CSNK2A2IP: variants seen among roughly 807,000 people sequenced by gnomAD.
CSNK2A2IP encodes casein kinase II subunit alpha'-interacting protein.
the CSNK2A2IP span, among the ~76,000 whole-genome samples, chr3:88,344,030 G>T: frequency 4.0e-5 from 6 of 151,864 alleles, no homozygotes; most frequent in African/African-American, 1.4e-4. Flanking sequence ...CAATGTTTTT[G>T]CAGGAAAAAA....
chr3:88,366,545 T>C, the CSNK2A2IP span, among the ~76,000 whole-genome samples: 2 of 152,182 alleles, frequency 1.3e-5, no homozygotes, highest in African/African-American at 2.4e-5. Flanking sequence ...GCTATAATTC[T>C]GTGTCCCCTA....
chr3:88,420,394 T>A, the CSNK2A2IP span, among the ~76,000 whole-genome samples: 1 of 152,132 alleles, frequency 6.6e-6, no homozygotes, highest in East Asian at 1.9e-4. Flanking sequence ...ATGTTAGTAC[T>A]TTGTTGTCAT....
the CSNK2A2IP span, chr3:88,465,764 A>G: frequency 7.3e-6 from 9 of 1,231,530 alleles, no homozygotes; most frequent in Non-Finnish European, 9.1e-6. Context: ...TCTGACCTCA[A>G]CATGACATCA....
At chr3:88,379,272 C>T in the CSNK2A2IP span, among the ~76,000 whole-genome samples, 25 of 152,084 alleles carry the variant, frequency 1.6e-4, no homozygotes, top group East Asian at 4.7e-3. Context: ...CTGCCTGTTC[C>T]TCCCTCTGCT....
the CSNK2A2IP span, among the ~76,000 whole-genome samples, chr3:88,347,894 G>A: frequency 1.3e-5 from 2 of 151,886 alleles, no homozygotes; most frequent in Non-Finnish European, 2.9e-5. Flanking sequence ...TACATGTTGA[G>A]TATCTCCTGT....
the CSNK2A2IP span, among the ~76,000 whole-genome samples, chr3:88,361,886 ACT>A: frequency 6.6e-6 from 1 of 151,488 alleles, no homozygotes; most frequent in East Asian, 1.9e-4. Context: ...TTGTTCAGAG[ACT>A]CTGATGCATT....
chr3:88,397,645 G>A, the CSNK2A2IP span, among the ~76,000 whole-genome samples: 3 of 151,950 alleles, frequency 2.0e-5, no homozygotes, highest in Non-Finnish European at 2.9e-5. Flanking sequence ...AAATGAAATA[G>A]GGGTGATGTG....
chr3:88,422,920 G>GT, the CSNK2A2IP span, among the ~76,000 whole-genome samples: 12 of 152,232 alleles, frequency 7.9e-5, no homozygotes, highest in South Asian at 2.3e-3. Context: ...AGTATATTTA[G>GT]TTTTTTTGTA....
At chr3:88,397,398 C>A in the CSNK2A2IP span, among the ~76,000 whole-genome samples, 1 of 152,104 alleles carries the variant, frequency 6.6e-6, no homozygotes, top group Non-Finnish European at 1.5e-5. Context: ...TAACATTATT[C>A]ATCTTTTATT....
At chr3:88,383,140 G>A in the CSNK2A2IP span, among the ~76,000 whole-genome samples, 1 of 151,490 alleles carries the variant, frequency 6.6e-6, no homozygotes, top group Non-Finnish European at 1.5e-5. Context: ...CTCTTTTGGA[G>A]GTCCTGTAGA....
At chr3:88,439,613 G>A in the CSNK2A2IP span, among the ~76,000 whole-genome samples, 5 of 151,404 alleles carry the variant, frequency 3.3e-5, no homozygotes, top group East Asian at 3.9e-4. Context: ...ATGGTGGTGC[G>A]CACCTGTAAT....
the CSNK2A2IP span, among the ~76,000 whole-genome samples, chr3:88,454,172 T>G: frequency 6.6e-6 from 1 of 152,000 alleles, no homozygotes; most frequent in African/African-American, 2.4e-5. Context: ...TTTGGATTCC[T>G]CTAAAGAATA....
the CSNK2A2IP span, among the ~76,000 whole-genome samples, chr3:88,420,061 TG>T: frequency 4.6e-5 from 7 of 152,180 alleles, no homozygotes; most frequent in Non-Finnish European, 7.4e-5. Flanking sequence ...AGAGAAATTA[TG>T]ATTTTATTGG....
chr3:88,426,567 G>A, the CSNK2A2IP span, among the ~76,000 whole-genome samples: 1 of 152,178 alleles, frequency 6.6e-6, no homozygotes, highest in Non-Finnish European at 1.5e-5. Context: ...TGTTGTAGGA[G>A]GGACCCAGTG....
the CSNK2A2IP span, among the ~76,000 whole-genome samples, chr3:88,361,256 A>C: frequency 6.6e-6 from 1 of 152,184 alleles, no homozygotes; most frequent in Non-Finnish European, 1.5e-5. Context: ...CTCTTCTTTC[A>C]GACTGAAGAA....
chr3:88,350,350 C>T, the CSNK2A2IP span, among the ~76,000 whole-genome samples: 2 of 152,078 alleles, frequency 1.3e-5, no homozygotes, highest in African/African-American at 4.8e-5. Context: ...CTCATGAAGA[C>T]TTAATCTCCT....
chr3:88,437,009 C>T, the CSNK2A2IP span, among the ~76,000 whole-genome samples: 1 of 152,040 alleles, frequency 6.6e-6, no homozygotes, highest in Non-Finnish European at 1.5e-5. Context: ...ATTTATTCTA[C>T]ATTAAAATAA....
At chr3:88,455,793 A>T in the CSNK2A2IP span, among the ~76,000 whole-genome samples, 1 of 151,646 alleles carries the variant, frequency 6.6e-6, no homozygotes, top group African/African-American at 2.4e-5. Context: ...CATCATGGAG[A>T]TTTTTTCTAT....
chr3:88,435,320 A>G, the CSNK2A2IP span, among the ~76,000 whole-genome samples: 1 of 152,250 alleles, frequency 6.6e-6, no homozygotes, highest in Admixed American at 6.5e-5. Flanking sequence ...TCATTTAGGA[A>G]TGGGCAAGTG....
Sources: gnomAD v4.1 joint callset for allele counts (sites outside exome capture counted in the v4.1 genomes callset) on GRCh38, gnomAD v4.1.1 for gene constraint, MANE v1.5 for transcripts, NCBI Gene and HGNC (gene_info 2026-07-23, HGNC 2026-07-21) for gene names.